AFF4: variants seen among roughly 807,000 people sequenced by gnomAD.
AFF4 encodes ALF transcription elongation factor 4.
In AFF4, 13 loss-of-function variants were observed where a neutral mutation model predicts 124.8. That is an observed-to-expected ratio of 0.10 (90% CI 0.07 to 0.17). AFF4 has a LOEUF of 0.17. Among genes scored for constraint, AFF4 ranks in the 10% least tolerant of loss-of-function variants. The pLI is 1.00. For missense variants in AFF4, 1,092 were observed against 1,403.8 expected, an observed-to-expected ratio of 0.78 and a Z score of 3.55; for synonymous variants, 477 against 496.1, an observed-to-expected ratio of 0.96 and a Z score of 0.51.
intron 5 of AFF4, among the ~76,000 whole-genome samples, chr5:132,918,190 C>T (rs748722730): frequency 2.9e-5 from 4 of 139,914 alleles, no homozygotes; most frequent in Admixed American, 7.0e-5. Flanking sequence ...GCCAGGAGTT[C>T]GAGACTATCC....
At chr5:132,949,588 G>A (rs1490936310) in intron 1 of AFF4, among the ~76,000 whole-genome samples, 1 of 151,636 alleles carries the variant, frequency 6.6e-6, no homozygotes, top group Non-Finnish European at 1.5e-5. Flanking sequence ...GAGGCGGGTG[G>A]ATCACAAGGC....
chr5:132,901,739 T>C (rs1370830790), intron 7 of AFF4, among the ~76,000 whole-genome samples: 2 of 152,228 alleles, frequency 1.3e-5, no homozygotes, highest in African/African-American at 2.4e-5. Context: ...GTCTTTATTT[T>C]ATGACTTATT....
intron 5 of AFF4, among the ~76,000 whole-genome samples, chr5:132,914,239 A>G (rs1195490770): frequency 1.3e-5 from 2 of 151,564 alleles, no homozygotes; most frequent in Non-Finnish European, 2.9e-5. Flanking sequence ...AAATAAATAA[A>G]TAAATAAAAT....
At chr5:132,888,033 A>G in intron 15 of AFF4, 51 bp from the exon 16 acceptor site, 1 of 1,607,648 alleles carries the variant, frequency 6.2e-7, no homozygotes, top group African/African-American at 1.3e-5. Flanking sequence ...ATGGCTACAA[A>G]CATCAGAAGA....
chr5:132,941,357 A>T (rs150813213), intron 1 of AFF4, among the ~76,000 whole-genome samples: 1 of 152,082 alleles, frequency 6.6e-6, no homozygotes, highest in Admixed American at 6.6e-5. Context: ...TTTTTGAGAC[A>T]GTGTCTCACT....
At position 132,877,899 on chromosome 5, in the gene AFF4, G is replaced by A. The variant is rs1014376447; in HGVS notation, c.*3160C>T. On this transcript the variant is annotated 3_prime_UTR_variant, in exon 21 of 21. Coordinates refer to ENST00000265343, the MANE Select transcript of AFF4 (RefSeq NM_014423.4). ...AGCCAAGTGTGTCATTCAAAGTGCA[G>A]CCCAAGTGCCTATGAATCCGCCACT... The A allele has an allele frequency of 8.9e-6, 2 of 224,056 alleles. No individual in the cohort carries two copies. Among genetic ancestry groups the A allele is most frequent in the African/African-American group, 2.2e-5 (1 of 44,790 alleles). 13.9% of individuals were successfully genotyped at this position (224,056 alleles called of 1,614,324 possible).
At chr5:132,910,355 T>C (rs1367567563) in intron 5 of AFF4, among the ~76,000 whole-genome samples, 1 of 152,188 alleles carries the variant, frequency 6.6e-6, no homozygotes, top group Non-Finnish European at 1.5e-5. Context: ...TCGTCAATGG[T>C]GTGAAGTGCT....
intron 1 of AFF4, among the ~76,000 whole-genome samples, chr5:132,959,332 G>A (rs56749444): frequency 0.21 from 31,248 of 151,754 alleles, 3,471 homozygotes; most frequent in African/African-American, 0.28. Context: ...ATATTGTCCA[G>A]GATTGTCTTG....
chr5:132,939,738 G>C (rs1251397441), intron 1 of AFF4, among the ~76,000 whole-genome samples: 2 of 152,200 alleles, frequency 1.3e-5, no homozygotes, highest in Non-Finnish European at 2.9e-5. Context: ...AGCCTCCTGA[G>C]TAGCTGGGAT....
intron 7 of AFF4, 69 bp downstream of exon 7, chr5:132,902,373 A>T (rs1420736825): frequency 1.0e-5 from 13 of 1,279,242 alleles, no homozygotes; most frequent in Non-Finnish European, 1.5e-5. Context: ...ACTGTTCAAA[A>T]TACCTAGATA....
intron 13 of AFF4, among the ~76,000 whole-genome samples, chr5:132,891,044 A>T (rs1057068524): frequency 2.9e-4 from 44 of 151,774 alleles, no homozygotes; most frequent in African/African-American, 5.8e-4. Flanking sequence ...ATAATAATTT[A>T]AAAAAGCAAT....
intron 1 of AFF4, among the ~76,000 whole-genome samples, chr5:132,944,302 A>C (rs1761645087): frequency 8.2e-6 from 1 of 122,548 alleles, no homozygotes; most frequent in African/African-American, 2.6e-5. Context: ...GTGCCGCTGC[A>C]CTCCAGCCTG....
chr5:132,937,088 G>A lies in AFF4; in HGVS notation c.102C>T (p.Leu34=). Residue 34 remains leucine (L), a synonymous_variant, in exon 2 of 21, where the codon CTC becomes CTT. Transcript: ENST00000265343. ...TTACAACTTTGTATGGCTCTGCAAA[G>A]AGAGGAGAGCTAGGTGGGAAGGCGT... is the stretch of plus-strand genomic sequence containing the variant. ...GEDAFPPSSP[L]FAEPYKVTSK... The A allele has an allele frequency of 6.2e-7, 1 of 1,613,408 alleles. No homozygotes were observed. Among genetic ancestry groups the A allele is most frequent in the Non-Finnish European group, 8.5e-7 (1 of 1,179,756 alleles).
intron 17 of AFF4, 146 bp downstream of exon 17, chr5:132,887,375 G>A: frequency 1.5e-6 from 1 of 682,072 alleles, no homozygotes; most frequent in Non-Finnish European, 2.4e-6. Context: ...GGAATTTTGA[G>A]TTACTTCCTG....
chr5:132,886,044 T>A (rs796905347), intron 18 of AFF4, among the ~76,000 whole-genome samples: 8 of 152,132 alleles, frequency 5.3e-5, no homozygotes, highest in Admixed American at 4.6e-4. Context: ...AGTGCTGAGA[T>A]TACAGGCGTG....
At chr5:132,946,810 T>C (rs946499483) in intron 1 of AFF4, among the ~76,000 whole-genome samples, 2 of 152,188 alleles carry the variant, frequency 1.3e-5, no homozygotes, top group African/African-American at 4.8e-5. Context: ...ATAAAAAAAT[T>C]AGTACACCTT....
At chr5:132,931,812 C>T (rs182292370) in intron 4 of AFF4, among the ~76,000 whole-genome samples, 9 of 152,062 alleles carry the variant, frequency 5.9e-5, no homozygotes, top group Middle Eastern at 3.4e-3. Context: ...GGCATGATGG[C>T]GGGAGCCTGT....
Position 132,880,083 on chromosome 5 carries a change from C to G in AFF4, c.*976G>C, listed in dbSNP as rs143636330. ...GGAAAAATCTGAAAAATAACTCTAA[C>G]TATCAAAGATAATCAATTAAAGACA... On this transcript the variant is annotated 3_prime_UTR_variant, in exon 21 of 21. Transcript: ENST00000265343. The G allele has an allele frequency of 2.5e-6, 1 of 396,900 alleles. No homozygotes were observed. Among genetic ancestry groups the G allele is most frequent in the East Asian group, 3.6e-5 (1 of 28,018 alleles). 24.6% of individuals were successfully genotyped at this position (396,900 alleles called of 1,614,324 possible). A position where few individuals can be genotyped will look rare whatever the true frequency, so the allele number is the denominator to read the frequency against.
chr5:132,951,161 T>G (rs376731352), intron 1 of AFF4, among the ~76,000 whole-genome samples: 3 of 151,634 alleles, frequency 2.0e-5, no homozygotes, highest in African/African-American at 7.3e-5. Context: ...GAGGCAGAGG[T>G]TGCAGCGAGC....
Sources: allele counts gnomAD v4.1 joint callset (sites outside exome capture counted in the v4.1 genomes callset), GRCh38; gene constraint gnomAD v4.1.1; transcripts MANE v1.5; gene names NCBI Gene and HGNC (gene_info 2026-07-23, HGNC 2026-07-21).